The following DLGAP2 variants were observed in gnomAD, a reference collection of about 807,000 sequenced individuals.
The protein encoded by DLGAP2 is disks large-associated protein 2.
Under a neutral mutation model 100.3 loss-of-function variants are expected in DLGAP2, and 26 were observed. The ratio of observed to expected loss-of-function variants is 0.26; its 90% CI spans 0.19 to 0.36. DLGAP2 has a LOEUF of 0.36. DLGAP2 is among the 10% of genes least tolerant of loss of function. The pLI, the probability that DLGAP2 is intolerant of heterozygous loss-of-function variation, is 1.00. For missense variants in DLGAP2, 1,858 were observed against 1,453.2 expected (o/e 1.28, Z -4.53); for synonymous variants, 886 against 630.1 (o/e 1.41, Z -6.08).
Position 1,106,017 on chromosome 8 carries a change from C to T in DLGAP2, c.74-152834C>T, listed in dbSNP as rs867363433. 3.4e-5 allele frequency among the ~76,000 whole-genome samples: 5 copies of T among 149,082 alleles called. 1 individual carries two copies. The Middle Eastern group carries it at 0.019, about 560-fold the overall frequency. On this transcript the variant is annotated intron_variant, in intron 2 of 14. Coordinates refer to ENST00000637795, the MANE Select transcript of DLGAP2 (RefSeq NM_001346810.2). The stretch of plus-strand genomic sequence containing the variant: ...TAGGAGGTTTTCTACTGAAGGGAGC[C>T]ATTCTAGGAGGATTTTGTATTGAAG...
In DLGAP2 at chr8:1,683,989, CT is replaced by C. The variant is rs534537261; in HGVS notation, c.2704+5370del. On this transcript the variant is annotated intron_variant, in intron 12 of 14. Transcript: ENST00000637795. ...ATATATATATATATATATATATATA[CT>C]TTTTTTTTTAAGACGAAGTCTCACT... 8.8e-3 allele frequency among the ~76,000 whole-genome samples: 322 copies of C among 36,492 alleles called. 5 individuals carry two copies. The highest frequency in any genetic ancestry group is 0.016 in the Admixed American group (55 of 3,446). 23.9% of individuals were successfully genotyped at this position (36,492 alleles called of 152,430 possible).
intron 2 of DLGAP2, among the ~76,000 whole-genome samples, chr8:1,042,132 T>A (rs142214217): frequency 3.1e-4 from 47 of 152,280 alleles, no homozygotes; most frequent in African/African-American, 1.0e-3. Context: ...CCCCAGCACC[T>A]GCCTGGCTGG....
chr8:1,116,047 A>C (rs776092555), intron 2 of DLGAP2, among the ~76,000 whole-genome samples: 1 of 152,156 alleles, frequency 6.6e-6, no homozygotes. Flanking sequence ...AGTGACAGTC[A>C]CTTGGGAGGA....
intron 1 of DLGAP2, 94 bp downstream of exon 1, chr8:737,919 C>T (rs1820360693): frequency 5.6e-6 from 2 of 360,208 alleles, no homozygotes; most frequent in Non-Finnish European, 9.9e-6. Flanking sequence ...GCGGGGACGC[C>T]CCGAGGGCGT....
chr8:915,076 A>T (rs1200317584), intron 2 of DLGAP2, among the ~76,000 whole-genome samples: 1 of 152,216 alleles, frequency 6.6e-6, no homozygotes, highest in Non-Finnish European at 1.5e-5. Flanking sequence ...GGTCTACGCC[A>T]GGTCCTTAGA....
At chr8:1,117,703 G>A (rs567015300) in intron 2 of DLGAP2, among the ~76,000 whole-genome samples, 7 of 152,154 alleles carry the variant, frequency 4.6e-5, no homozygotes, top group African/African-American at 1.7e-4. Flanking sequence ...TAGAGAGGAG[G>A]GGGAGGCGGC....
chr8:1,695,079 G>T (rs767237841), intron 13 of DLGAP2, among the ~76,000 whole-genome samples: 6 of 152,234 alleles, frequency 3.9e-5, no homozygotes, highest in South Asian at 2.1e-4. Context: ...CTCTCAGGCA[G>T]CCTCTGCCAC....
At chr8:967,607 A>G (rs1799903596) in intron 2 of DLGAP2, among the ~76,000 whole-genome samples, 1 of 151,162 alleles carries the variant, frequency 6.6e-6, no homozygotes, top group African/African-American at 2.4e-5. Context: ...CAACATTTCA[A>G]TGCACAATTT....
chr8:1,493,491 A>G (rs2130292181), intron 3 of DLGAP2, among the ~76,000 whole-genome samples: 1 of 152,302 alleles, frequency 6.6e-6, no homozygotes, highest in Admixed American at 6.5e-5. Flanking sequence ...AAGCAACGGA[A>G]TGGGACAGTT....
At chr8:1,663,252 C>A (rs538155761) in intron 8 of DLGAP2, among the ~76,000 whole-genome samples, 1 of 152,064 alleles carries the variant, frequency 6.6e-6, no homozygotes, top group East Asian at 1.9e-4. Flanking sequence ...CATGCACATG[C>A]GCACTCCAAG....
chr8:778,164 A>C (rs1821579490), intron 1 of DLGAP2, among the ~76,000 whole-genome samples: 1 of 151,952 alleles, frequency 6.6e-6, no homozygotes, highest in Non-Finnish European at 1.5e-5. Flanking sequence ...TGCATTCTTC[A>C]CGTAGTTCTT....
intron 2 of DLGAP2, among the ~76,000 whole-genome samples, chr8:1,170,433 G>C (rs1440034466): frequency 6.6e-6 from 1 of 152,136 alleles, no homozygotes; most frequent in South Asian, 2.1e-4. Flanking sequence ...TTTTTCTGTT[G>C]ATTGGAATAG....
chr8:1,005,416 T>G lies in DLGAP2; in HGVS notation c.73+97450T>G, dbSNP rs1385496626. Reference sequence around the variant, plus strand: ...AAACAACTCCACTTGTTTTTTTTTTTTTTTTTTTTTGAGATGGGGTCTTGC... The same window carrying G: ...AAACAACTCCACTTGTTTTTTTTTTGTTTTTTTTTTGAGATGGGGTCTTGC... On this transcript the variant is annotated intron_variant, in intron 2 of 14. Coordinates refer to ENST00000637795, the MANE Select transcript of DLGAP2 (RefSeq NM_001346810.2). 2.5e-4 allele frequency among the ~76,000 whole-genome samples: 38 copies of G among 150,496 alleles called. 1 individual carries two copies. The highest frequency in any genetic ancestry group is 1.6e-3 in the East Asian group (8 of 5,130).
In DLGAP2 at chr8:1,349,981, C is replaced by T. The variant is rs549367560; in HGVS notation, c.106+91098C>T. Among the ~76,000 whole-genome samples, 24 of 152,150 alleles carry T rather than the reference C, an allele frequency of 1.6e-4. No individual in the cohort carries two copies. The South Asian group carries it at 2.9e-3, about 18-fold the overall frequency. On this transcript the variant is annotated intron_variant, in intron 3 of 14. Transcript: ENST00000637795. ...ACTTTACAGAGGCTCTATTTTTTTT[C>T]AGCAACCAAAACAACACATATAACC... is the stretch of plus-strand genomic sequence containing the variant.
At chr8:1,489,470 G>A (rs1799316498) in intron 3 of DLGAP2, among the ~76,000 whole-genome samples, 1 of 152,208 alleles carries the variant, frequency 6.6e-6, no homozygotes, top group Non-Finnish European at 1.5e-5. Context: ...GAAGGAAGCT[G>A]TACGTCTTTA....
chr8:1,190,282 C>G (rs904884489), intron 2 of DLGAP2, among the ~76,000 whole-genome samples: 1 of 152,178 alleles, frequency 6.6e-6, no homozygotes, highest in Non-Finnish European at 1.5e-5. Context: ...GTTTATGGCA[C>G]CAACGTGCCC....
intron 3 of DLGAP2, among the ~76,000 whole-genome samples, chr8:1,309,240 C>G (rs1385360423): frequency 2.0e-5 from 3 of 152,088 alleles, no homozygotes; most frequent in Admixed American, 6.5e-5. Context: ...TGTGAATATA[C>G]AAATCCAAGA....
chr8:1,413,300 A>G (rs778084931), intron 3 of DLGAP2, among the ~76,000 whole-genome samples: 3 of 152,242 alleles, frequency 2.0e-5, no homozygotes, highest in Non-Finnish European at 4.4e-5. Flanking sequence ...GGGAAGCAGA[A>G]TGAATAAATG....
At chr8:1,640,502 T>A (rs1467656482) in intron 8 of DLGAP2, among the ~76,000 whole-genome samples, 1 of 152,134 alleles carries the variant, frequency 6.6e-6, no homozygotes, top group Non-Finnish European at 1.5e-5. Flanking sequence ...TCCCAGCCGC[T>A]CAGGATGTCT....
Sources: allele counts gnomAD v4.1 joint callset (sites outside exome capture counted in the v4.1 genomes callset), GRCh38; gene constraint gnomAD v4.1.1; transcripts MANE v1.5; gene names NCBI Gene and HGNC (gene_info 2026-07-23, HGNC 2026-07-21).